Variants in MET observed in about 807,000 individuals in gnomAD.
The protein encoded by MET is hepatocyte growth factor receptor.
MET carries 48 observed loss-of-function variants against 133.1 expected under a neutral mutation model. That is an observed-to-expected ratio of 0.36 (90% CI 0.29 to 0.46). The LOEUF is 0.46. MET is among the 20% of genes least tolerant of loss of function. The pLI is 1.00. For synonymous variants in MET, 628 were observed against 616.5 expected, an observed-to-expected ratio of 1.02 and a Z score of -0.28; for missense variants, 1,442 against 1,695.9, an observed-to-expected ratio of 0.85 and a Z score of 2.63.
intron 2 of MET, among the ~76,000 whole-genome samples, chr7:116,719,620 T>C (rs1388482012): frequency 6.6e-6 from 1 of 152,254 alleles, no homozygotes; most frequent in Admixed American, 6.5e-5. Context: ...TTTATGGTTT[T>C]AGGTCTAACG....
At chr7:116,718,157 G>A (rs1442684871) in intron 2 of MET, among the ~76,000 whole-genome samples, 1 of 152,168 alleles carries the variant, frequency 6.6e-6, no homozygotes, top group East Asian at 1.9e-4. Flanking sequence ...GGGAAGCCGA[G>A]ACAGGTGGAT....
At chr7:116,673,570 T>G (rs1022972035) in intron 1 of MET, among the ~76,000 whole-genome samples, 3 of 152,134 alleles carry the variant, frequency 2.0e-5, no homozygotes, top group East Asian at 1.9e-4. Context: ...TGGGTGGGGG[T>G]TTATTCTGTC....
At chr7:116,704,383 C>T (rs1354417151) in intron 2 of MET, among the ~76,000 whole-genome samples, 1 of 152,060 alleles carries the variant, frequency 6.6e-6, no homozygotes. Context: ...CATCGTCCTG[C>T]GTGCAGGACT....
intron 1 of MET, among the ~76,000 whole-genome samples, chr7:116,676,992 T>TTTTTTTG (rs1796182180): frequency 6.6e-6 from 1 of 151,790 alleles, no homozygotes; most frequent in Non-Finnish European, 1.5e-5. Flanking sequence ...TGTTTTGTTT[T>TTTTTTTG]TTTTTTTGTT....
At chr7:116,739,689 C>T (rs1286336446) in intron 3 of MET, among the ~76,000 whole-genome samples, 3 of 152,064 alleles carry the variant, frequency 2.0e-5, no homozygotes, top group Admixed American at 2.0e-4. Flanking sequence ...GTATGTGCTG[C>T]CAATTGATTG....
At chr7:116,674,241 A>G (rs1271176407) in intron 1 of MET, among the ~76,000 whole-genome samples, 1 of 152,236 alleles carries the variant, frequency 6.6e-6, no homozygotes, top group Non-Finnish European at 1.5e-5. Flanking sequence ...GTTTATCTTC[A>G]TGATAAAAAA....
At chr7:116,712,702 C>CA in intron 2 of MET, among the ~76,000 whole-genome samples, 1 of 151,964 alleles carries the variant, frequency 6.6e-6, no homozygotes. Flanking sequence ...CCCGTCCCCC[C>CA]CACACACACC....
chr7:116,775,152 C>T (rs749777197), intron 15 of MET, 41 bp downstream of exon 15: 6 of 1,592,110 alleles, frequency 3.8e-6, no homozygotes, highest in Non-Finnish European at 5.2e-6. Context: ...TACGATTTTC[C>T]AGTAAGCATT....
chr7:116,766,827 T>C (rs532025406), intron 11 of MET, among the ~76,000 whole-genome samples: 34 of 152,264 alleles, frequency 2.2e-4, no homozygotes, highest in Admixed American at 1.0e-3. Flanking sequence ...TGGTACCTAG[T>C]AGTAAAGGTC....
At chr7:116,784,138 G>A (rs193015869) in intron 19 of MET, among the ~76,000 whole-genome samples, 1 of 152,210 alleles carries the variant, frequency 6.6e-6, no homozygotes, top group Non-Finnish European at 1.5e-5. Flanking sequence ...TGGCAGAAGA[G>A]CAGGAAAGTA....
chr7:116,701,980 G>A (rs1274081296), intron 2 of MET, among the ~76,000 whole-genome samples: 1 of 152,058 alleles, frequency 6.6e-6, no homozygotes, highest in Non-Finnish European at 1.5e-5. Context: ...AAGGTATATT[G>A]ATATCTCATT....
chr7:116,684,216 AT>A (rs1057344286), intron 1 of MET, among the ~76,000 whole-genome samples: 1 of 152,260 alleles, frequency 6.6e-6, no homozygotes, highest in Non-Finnish European at 1.5e-5. Flanking sequence ...CAAAATCCAT[AT>A]TGAATAATTC....
At chr7:116,710,476 A>G (rs546076294) in intron 2 of MET, among the ~76,000 whole-genome samples, 1 of 152,324 alleles carries the variant, frequency 6.6e-6, no homozygotes, top group South Asian at 2.1e-4. Context: ...TGCTTAAGAA[A>G]AAAACATGAG....
rs1793019219 is a variant in MET at position 116,731,824 on chromosome 7, G to A, written c.1357G>A (p.Ala453Thr). ...CTTCATTAAAGGAGACCTCACCATAGCTAATCTTGGGACATCAGAGGGTCG... is the reference window on the plus strand; with the variant it reads ...CTTCATTAAAGGAGACCTCACCATAACTAATCTTGGGACATCAGAGGGTCG... ...STFIKGDLTI[A>T]NLGTSEGRFM... The change falls in exon 3 of 21, where the codon GCT becomes ACT. Residue 453 changes from alanine to threonine, a missense_variant. Coordinates refer to ENST00000397752, the MANE Select transcript of MET (RefSeq NM_000245.4). 3 of 1,614,082 alleles carry A rather than the reference G, an allele frequency of 1.9e-6. No individual in the cohort carries two copies. Among genetic ancestry groups the A allele is most frequent in the South Asian group, 2.2e-5 (2 of 91,076 alleles).
At chr7:116,717,486 A>G (rs572358873) in intron 2 of MET, among the ~76,000 whole-genome samples, 2 of 152,340 alleles carry the variant, frequency 1.3e-5, no homozygotes, top group East Asian at 3.9e-4. Context: ...CTGTATGAAA[A>G]GCTCTAGACA....
Position 116,742,204 on chromosome 7 carries a change from C to T in MET, c.1701+1179C>T, listed in dbSNP as rs140239955. ...GTGCATGGCTGTTTTCATTTAGTTA[C>T]GGTTTGGAGCAAGATTTGTAGTGGG... On this transcript the variant is annotated intron_variant, in intron 5 of 20. Transcript: ENST00000397752. 5.6e-3 allele frequency among the ~76,000 whole-genome samples: 853 copies of T among 152,220 alleles called. 34 individuals are homozygous for T. The highest frequency in any genetic ancestry group is 0.051 in the Admixed American group (786 of 15,290).
intron 1 of MET, among the ~76,000 whole-genome samples, chr7:116,688,316 G>A (rs2116518553): frequency 6.6e-6 from 1 of 151,924 alleles, no homozygotes; most frequent in Non-Finnish European, 1.5e-5. Context: ...TGGATTAATT[G>A]AACAAAAACT....
At chr7:116,790,048 C>G (rs1019082959) in intron 19 of MET, among the ~76,000 whole-genome samples, 12 of 152,120 alleles carry the variant, frequency 7.9e-5, no homozygotes, top group African/African-American at 2.9e-4. Flanking sequence ...TGAGAACTTG[C>G]GGTATTTGGT....
intron 2 of MET, among the ~76,000 whole-genome samples, chr7:116,710,842 T>C (rs956655362): frequency 2.6e-5 from 4 of 152,202 alleles, no homozygotes; most frequent in African/African-American, 9.7e-5. Context: ...AGAAGGATTA[T>C]GAAATATTTG....
Sources: allele counts gnomAD v4.1 joint callset (sites outside exome capture counted in the v4.1 genomes callset), GRCh38; gene constraint gnomAD v4.1.1; transcripts MANE v1.5; gene names NCBI Gene and HGNC (gene_info 2026-07-23, HGNC 2026-07-21).